RIMS2: variants seen among roughly 807,000 people sequenced by gnomAD.
The protein encoded by RIMS2 is regulating synaptic membrane exocytosis protein 2.
Under a neutral mutation model 174.4 loss-of-function variants are expected in RIMS2, and 59 were observed. The observed-to-expected ratio is 0.34, with a 90% CI of 0.27 to 0.42. The LOEUF is 0.42. RIMS2 is among the 10% of genes least tolerant of loss of function. The probability of loss-of-function intolerance (pLI) is 1.00; values close to 1 mark genes in which losing one functional copy is unlikely to be tolerated. For synonymous variants in RIMS2, 606 were observed against 572.5 expected, an observed-to-expected ratio of 1.06 and a Z score of -0.84; for missense variants, 1,620 against 1,666.3, an observed-to-expected ratio of 0.97 and a Z score of 0.48.
At chr8:103,973,147 T>C (rs1215762100) in intron 15 of RIMS2, among the ~76,000 whole-genome samples, 1 of 152,228 alleles carries the variant, frequency 6.6e-6, no homozygotes. Context: ...TTTCCTAAAG[T>C]ATTACTTCCA....
intron 1 of RIMS2, among the ~76,000 whole-genome samples, chr8:103,655,088 A>C (rs1209931014): frequency 6.6e-6 from 1 of 151,874 alleles, no homozygotes; most frequent in African/African-American, 2.4e-5. Context: ...GATTTTGGCA[A>C]TTGATGTGAA....
intron 19 of RIMS2, among the ~76,000 whole-genome samples, chr8:104,169,200 C>G (rs904104348): frequency 6.6e-5 from 10 of 151,142 alleles, no homozygotes; most frequent in Admixed American, 4.0e-4. Flanking sequence ...TCCTCTTTCT[C>G]TGTCTTTTGG....
Position 103,584,169 on chromosome 8 carries a change from A to G in RIMS2, c.176+83107A>G, listed in dbSNP as rs148918489. On this transcript the variant is annotated intron_variant, in intron 1 of 23. Transcript: ENST00000504942. ...CTTTTCAGTGGAAATTTTACAGGCCAGGAGCGAGTTGCATGACATATTTAA... is the reference window on the plus strand; with the variant it reads ...CTTTTCAGTGGAAATTTTACAGGCCGGGAGCGAGTTGCATGACATATTTAA... Among the ~76,000 whole-genome samples the G allele has an allele frequency of 1.5e-4, 23 of 152,322 alleles. No individual in the cohort carries two copies. The East Asian group carries it at 2.5e-3, about 17-fold the overall frequency.
intron 19 of RIMS2, among the ~76,000 whole-genome samples, chr8:104,190,634 A>G (rs2098992624): frequency 6.6e-6 from 1 of 152,118 alleles, no homozygotes; most frequent in African/African-American, 2.4e-5. Flanking sequence ...AGTACTGAAA[A>G]GTGAGTGAGG....
rs1028897644 is a variant in RIMS2, at chr8:104,058,668, C to T, written c.3334+44053C>T. ...CATGCCTGTGTCCTGAATGGTAATGCGTAGGTTTTCTTCTAAGGTTTTTAT... is the reference window on the plus strand; with the variant it reads ...CATGCCTGTGTCCTGAATGGTAATGTGTAGGTTTTCTTCTAAGGTTTTTAT... On this transcript the variant is annotated intron_variant, in intron 19 of 23. Transcript: ENST00000504942. Among the ~76,000 whole-genome samples, 13 of 151,832 alleles carry T rather than the reference C, an allele frequency of 8.6e-5. No individual in the cohort carries two copies. In the South Asian group the frequency reaches 1.0e-3, roughly 12 times the overall value.
intron 3 of RIMS2, chr8:103,819,531 G>A: frequency 6.2e-7 from 1 of 1,612,678 alleles, no homozygotes; most frequent in Non-Finnish European, 8.5e-7. Context: ...CATTGCGCCA[G>A]GTCTGCAATT....
At chr8:103,991,924 T>C (rs1335885865) in intron 17 of RIMS2, among the ~76,000 whole-genome samples, 1 of 152,194 alleles carries the variant, frequency 6.6e-6, no homozygotes, top group Non-Finnish European at 1.5e-5. Flanking sequence ...GTATCAACTT[T>C]ATTGAGTTGT....
chr8:103,626,249 G>A (rs759407529), intron 1 of RIMS2, among the ~76,000 whole-genome samples: 19 of 152,100 alleles, frequency 1.2e-4, no homozygotes, highest in Non-Finnish European at 2.2e-4. Flanking sequence ...ATAGATTGAA[G>A]ATATTCAATT....
At chr8:103,594,030 G>C (rs2094382649) in intron 1 of RIMS2, among the ~76,000 whole-genome samples, 1 of 151,440 alleles carries the variant, frequency 6.6e-6, no homozygotes, top group African/African-American at 2.4e-5. Flanking sequence ...TTCTGTATTT[G>C]TGAATTGACT....
chr8:104,140,432 C>A (rs1414923167), intron 19 of RIMS2, among the ~76,000 whole-genome samples: 1 of 151,878 alleles, frequency 6.6e-6, no homozygotes, highest in Non-Finnish European at 1.5e-5. Flanking sequence ...ATATTTGTAC[C>A]CCTAAAGCAC....
intron 1 of RIMS2, among the ~76,000 whole-genome samples, chr8:103,551,458 T>G (rs975864511): frequency 2.0e-5 from 3 of 152,146 alleles, no homozygotes; most frequent in Non-Finnish European, 4.4e-5. Context: ...CTCAAAATAA[T>G]AAGAGCTATT....
intron 3 of RIMS2, among the ~76,000 whole-genome samples, chr8:103,790,658 C>G (rs1265640910): frequency 1.3e-5 from 2 of 152,060 alleles, no homozygotes; most frequent in African/African-American, 4.8e-5. Context: ...TTGTATTTCC[C>G]TAATGACCAG....
At chr8:104,111,518 C>A (rs1191329818) in intron 19 of RIMS2, among the ~76,000 whole-genome samples, 1 of 152,320 alleles carries the variant, frequency 6.6e-6, no homozygotes, top group Non-Finnish European at 1.5e-5. Context: ...AGTGATTCTC[C>A]TGCCTCAGCC....
chr8:103,599,996 A>G (rs1372720347), intron 1 of RIMS2, among the ~76,000 whole-genome samples: 1 of 152,074 alleles, frequency 6.6e-6, no homozygotes, highest in Non-Finnish European at 1.5e-5. Context: ...TCATTCTTTC[A>G]AACTATTTTT....
At chr8:103,883,456 T>C (rs2099180370) in intron 3 of RIMS2, among the ~76,000 whole-genome samples, 1 of 151,750 alleles carries the variant, frequency 6.6e-6, no homozygotes, top group Admixed American at 6.6e-5. Context: ...CATAGGGTGT[T>C]GGGTACTATA....
At chr8:103,555,897 T>A (rs1850240648) in intron 1 of RIMS2, among the ~76,000 whole-genome samples, 1 of 151,996 alleles carries the variant, frequency 6.6e-6, no homozygotes, top group Admixed American at 6.6e-5. Context: ...ACAACGTGAA[T>A]GATCTCAGAG....
At chr8:103,845,191 T>C (rs906313583) in intron 3 of RIMS2, among the ~76,000 whole-genome samples, 3 of 150,240 alleles carry the variant, frequency 2.0e-5, no homozygotes, top group Non-Finnish European at 4.4e-5. Context: ...TTTTAAAACA[T>C]TTTTTACACA....
chr8:103,970,636 A>T (rs1294566255), intron 15 of RIMS2, among the ~76,000 whole-genome samples: 3 of 151,758 alleles, frequency 2.0e-5, no homozygotes, highest in African/African-American at 7.3e-5. Context: ...AAGTTTTCCT[A>T]CTCTGGCACT....
At chr8:103,706,960 G>C (rs1364485760) in intron 2 of RIMS2, among the ~76,000 whole-genome samples, 1 of 152,172 alleles carries the variant, frequency 6.6e-6, no homozygotes, top group South Asian at 2.1e-4. Flanking sequence ...GATCATGTAA[G>C]TGTACTTCAT....
Sources: gnomAD v4.1 joint callset for allele counts (sites outside exome capture counted in the v4.1 genomes callset) on GRCh38, gnomAD v4.1.1 for gene constraint, MANE v1.5 for transcripts, NCBI Gene and HGNC (gene_info 2026-07-23, HGNC 2026-07-21) for gene names.